CWF19L1: variants seen among roughly 807,000 people sequenced by gnomAD.
CWF19L1 encodes CWF19 like cell cycle control factor 1.
In CWF19L1, 60 loss-of-function variants were observed where a neutral mutation model predicts 69.7. The observed-to-expected ratio is 0.86, with a 90% CI of 0.70 to 1.07. CWF19L1 has a LOEUF of 1.07. CWF19L1 is among the 50% of genes least tolerant of loss of function. The pLI, the probability that CWF19L1 is intolerant of heterozygous loss-of-function variation, is 0.00. For missense variants in CWF19L1, 591 were observed against 638.9 expected (o/e 0.92, Z 0.81); for synonymous variants, 209 against 222.2 (o/e 0.94, Z 0.53).
chr10:100,239,108 T>A (rs116403001), intron 10 of CWF19L1, among the ~76,000 whole-genome samples: 1 of 143,240 alleles, frequency 7.0e-6, no homozygotes, highest in Admixed American at 7.4e-5. Flanking sequence ...AAAGCAAACA[T>A]ACAACCTAAT....
At chr10:100,257,382 C>T (rs1847249967) in intron 4 of CWF19L1, among the ~76,000 whole-genome samples, 2 of 150,790 alleles carry the variant, frequency 1.3e-5, no homozygotes. Flanking sequence ...CAACCTCCAC[C>T]TCCGCCTCCC....
In CWF19L1 at chr10:100,256,395, GGT is replaced by G; in HGVS notation, c.369_370del (p.Pro124ArgfsTer3). The G allele has an allele frequency of 6.2e-7, 1 of 1,614,058 alleles. No homozygotes were observed. The highest frequency in any genetic ancestry group is 8.5e-7 in the Non-Finnish European group (1 of 1,179,956). ...ATCCTTGGGACTAAAACTATAACCT[GGT>G]ACTGGCTCATTTAAGGATTCTGTCC... On this transcript the variant is annotated frameshift_variant, in exon 5 of 14. Transcript: ENST00000354105. LOFTEE classifies it high-confidence loss of function.
chr10:100,250,271 CA>C lies in CWF19L1; in HGVS notation c.684del (p.Asn228LysfsTer19), dbSNP rs1564856759. 1.9e-6 allele frequency: 3 copies of C among 1,611,290 alleles called. No homozygotes were observed. The highest frequency in any genetic ancestry group is 2.5e-6 in the Non-Finnish European group (3 of 1,177,626). On this transcript the variant is annotated frameshift_variant, in exon 7 of 14. Transcript: ENST00000354105. LOFTEE classifies it high-confidence loss of function. ...QHATRFIALA[N>X]VGNPEKKKYL... ...ACCTTTTTCTTTTCTGGATTTCCAACATTTGCCAGAGCTATAAACCGGGTGG... is the reference window on the plus strand; with the variant it reads ...ACCTTTTTCTTTTCTGGATTTCCAACTTTGCCAGAGCTATAAACCGGGTGG...
intron 3 of CWF19L1, 23 bp from the exon 4 acceptor site, chr10:100,260,342 C>T (rs1167582561): frequency 1.5e-6 from 2 of 1,317,900 alleles, no homozygotes; most frequent in Middle Eastern, 1.9e-4. Flanking sequence ...ACAGACATGA[C>T]ACCATATAGT....
chr10:100,260,135 T>G, intron 4 of CWF19L1, 83 bp downstream of exon 4: 3 of 861,092 alleles, frequency 3.5e-6, no homozygotes, highest in Non-Finnish European at 3.7e-6. Context: ...GCCACTGCAC[T>G]CCAGCCTGGG....
chr10:100,260,445 T>G, intron 3 of CWF19L1, 126 bp from the exon 4 acceptor site: 1 of 563,422 alleles, frequency 1.8e-6, no homozygotes, highest in South Asian at 2.4e-5. Flanking sequence ...ATTCCCCATA[T>G]TTAGCAATCC....
At chr10:100,239,747 G>A (rs997820708) in intron 10 of CWF19L1, among the ~76,000 whole-genome samples, 1 of 152,184 alleles carries the variant, frequency 6.6e-6, no homozygotes, top group African/African-American at 2.4e-5. Context: ...CCAACAGAAT[G>A]ACAGGATATG....
chr10:100,256,323 C>A lies in CWF19L1; in HGVS notation c.443G>T (p.Gly148Val), dbSNP rs373557263. The change falls in exon 5 of 14, where the codon GGT becomes GTT. Residue 148 changes from glycine to valine, a missense_variant. By Grantham distance (109) the Gly-to-Val change is moderately radical. Around this residue, in one of 3 missense-constraint regions of CWF19L1, gnomAD observed 458 missense variants for 489.3 expected, o/e 0.94. Transcript: ENST00000354105. ...MMLCTTSQFK[G>V]VDILLTSPWP... ...TGGGGATGTGAGCAAGATATCAACA[C>A]CCTTAAACTGGGAGGTTGTACACAG... 7 of 1,614,058 alleles carry A rather than the reference C, an allele frequency of 4.3e-6. No individual in the cohort carries two copies. The African/African-American group carries it at 9.3e-5, about 22-fold the overall frequency.
At chr10:100,262,105 A>G (rs1453780990) in intron 1 of CWF19L1, 42 bp from the exon 2 acceptor site, 1 of 1,591,868 alleles carries the variant, frequency 6.3e-7, no homozygotes, top group East Asian at 2.2e-5. Flanking sequence ...TCAGGAAACA[A>G]ATGGGCCTGC....
rs1222027976 is a variant in CWF19L1 at position 100,253,442 on chromosome 10, T to C, written c.602A>G (p.Tyr201Cys). Reference protein sequence around the residue: ...RYHFAALEKTYYERLPYRNHI... With the variant: ...RYHFAALEKTCYERLPYRNHI... ...TCACCGATATGGAAGCCTCTCATAATAGGTCTTTTCCAAAGCAGCAAAATG... is the reference window on the plus strand; with the variant it reads ...TCACCGATATGGAAGCCTCTCATAACAGGTCTTTTCCAAAGCAGCAAAATG... The change falls in exon 6 of 14, where the codon TAT becomes TGT. Residue 201 changes from tyrosine (Y) to cysteine (C), a missense_variant. By Grantham distance (194) the Tyr-to-Cys change is radical. Coordinates refer to ENST00000354105, the MANE Select transcript of CWF19L1 (RefSeq NM_018294.6). 2.5e-6 allele frequency: 4 copies of C among 1,609,842 alleles called. No individual in the cohort carries two copies. Among genetic ancestry groups the C allele is most frequent in the East Asian group, 2.2e-5 (1 of 44,858 alleles).
chr10:100,240,740 C>A (rs755276431), intron 10 of CWF19L1, among the ~76,000 whole-genome samples: 2 of 152,134 alleles, frequency 1.3e-5, no homozygotes, highest in Non-Finnish European at 2.9e-5. Flanking sequence ...CCTATTGAAG[C>A]TTCCCAAACA....
At chr10:100,266,693 T>TG (rs1554907499) in intron 1 of CWF19L1, among the ~76,000 whole-genome samples, 51 of 149,916 alleles carry the variant, frequency 3.4e-4, no homozygotes, top group African/African-American at 1.2e-3. Context: ...TTTTTTTTTT[T>TG]TGTATTAGTA....
chr10:100,233,456 C>A, intron 13 of CWF19L1, 85 bp from the exon 14 acceptor site: 1 of 1,438,754 alleles, frequency 7.0e-7, no homozygotes, highest in African/African-American at 1.4e-5. Flanking sequence ...ATGCAAATTT[C>A]TCTGACTTTG....
At chr10:100,248,123 C>CT (rs1846891386) in intron 7 of CWF19L1, 2 of 531,900 alleles carry the variant, frequency 3.8e-6, no homozygotes, top group Non-Finnish European at 6.8e-6. Flanking sequence ...AAGTGTTATT[C>CT]AGTTTGAAAG....
chr10:100,262,063 G>A lies in CWF19L1; in HGVS notation c.24C>T (p.Leu8=), dbSNP rs748431501. Residue 8 remains leucine (L), a splice_region_variant and synonymous_variant, in exon 2 of 14, where the codon CTC becomes CTT. Coordinates refer to ENST00000354105, the MANE Select transcript of CWF19L1 (RefSeq NM_018294.6). ...TTCCTTCAACATCTCCACAAGCCAAGCTGCAAACAAAGAGATAAACATTAT... is the reference window on the plus strand; with the variant it reads ...TTCCTTCAACATCTCCACAAGCCAAACTGCAAACAAAGAGATAAACATTAT... MAQKPLR[L]LACGDVEGKF... 7 of 1,610,030 alleles carry A rather than the reference G, an allele frequency of 4.3e-6. No homozygotes were observed. The highest frequency in any genetic ancestry group is 2.2e-5 in the East Asian group (1 of 44,750).
intron 11 of CWF19L1, chr10:100,237,344 T>G (rs962489871): frequency 2.2e-6 from 1 of 457,512 alleles, no homozygotes; most frequent in Admixed American, 2.4e-5. Flanking sequence ...GCTAGCCCCA[T>G]GCAGGCTTTG....
chr10:100,238,274 T>G (rs1462297589), intron 10 of CWF19L1, 43 bp from the exon 11 acceptor site: 1 of 1,577,142 alleles, frequency 6.3e-7, no homozygotes. Flanking sequence ...ATACAGCATG[T>G]AGGATTCTCC....
At chr10:100,234,346 A>G (rs1846364560) in intron 13 of CWF19L1, among the ~76,000 whole-genome samples, 1 of 152,242 alleles carries the variant, frequency 6.6e-6, no homozygotes, top group Non-Finnish European at 1.5e-5. Flanking sequence ...ATATAACTAT[A>G]AATTAGTATC....
intron 7 of CWF19L1, chr10:100,248,520 A>G: frequency 1.0e-5 from 7 of 694,014 alleles, no homozygotes; most frequent in Non-Finnish European, 1.8e-5. Context: ...AGATTTACAG[A>G]ATGTCAACAT....
Sources: gnomAD v4.1 joint callset for allele counts (sites outside exome capture counted in the v4.1 genomes callset) on GRCh38, gnomAD v4.1.1 for gene constraint, gnomAD v4.1.1 regional missense constraint, MANE v1.5 for transcripts, NCBI Gene and HGNC (gene_info 2026-07-23, HGNC 2026-07-21) for gene names.